Variants in GDPD1 observed in about 807,000 individuals in gnomAD.
GDPD1 encodes the protein lysophospholipase D GDPD1.
Under a neutral mutation model 45.1 loss-of-function variants are expected in GDPD1, and 28 were observed. The observed-to-expected ratio is 0.62, with a 90% CI of 0.46 to 0.85. The LOEUF is 0.85. Among genes scored for constraint, GDPD1 ranks in the 40% least tolerant of loss-of-function variants. GDPD1 has a pLI of 0.00. For missense variants in GDPD1, 256 were observed against 364.8 expected, an observed-to-expected ratio of 0.70 and a Z score of 2.43; for synonymous variants, 139 against 131.4, an observed-to-expected ratio of 1.06 and a Z score of -0.40.
At chr17:59,271,066 G>A in intron 8 of GDPD1, 71 bp downstream of exon 8, 1 of 910,072 alleles carries the variant, frequency 1.1e-6, no homozygotes, top group Non-Finnish European at 1.7e-6. Context: ...CCCTTAAAAT[G>A]TTGTGCAAGC....
chr17:59,245,356 G>C (rs982408251), intron 2 of GDPD1, 58 bp from the exon 3 acceptor site: 1 of 1,420,280 alleles, frequency 7.0e-7, no homozygotes. Flanking sequence ...TAGATCTCAT[G>C]CATGTAACCC....
At chr17:59,255,861 A>ACG (rs2047303867) in intron 4 of GDPD1, among the ~76,000 whole-genome samples, 2 of 88,280 alleles carry the variant, frequency 2.3e-5, no homozygotes, top group African/African-American at 1.5e-4. Flanking sequence ...ACACACGTAT[A>ACG]TATATATATA....
chr17:59,220,659 T>C lies in GDPD1; in HGVS notation c.50T>C (p.Leu17Ser), dbSNP rs145485370. ...FYLLSTLGGY[L>S]VTSFLLLKYP... ...CTTCTCTCTACGCTAGGAGGATACT[T>C]GGTGACCTCATTCTTGTTGCTTAAA... The change falls in exon 1 of 10, where the codon TTG (leucine) becomes TCG (serine). Residue 17 changes from leucine (L) to serine (S), a missense_variant. Leu to Ser is a moderately radical substitution (Grantham distance 145, BLOSUM62 -2). Coordinates refer to ENST00000284116, the MANE Select transcript of GDPD1 (RefSeq NM_182569.4). 1 of 1,614,106 alleles carries C rather than the reference T, an allele frequency of 6.2e-7. No individual in the cohort carries two copies. The highest frequency in any genetic ancestry group is 8.5e-7 in the Non-Finnish European group (1 of 1,179,972).
intron 2 of GDPD1, among the ~76,000 whole-genome samples, chr17:59,238,692 T>C (rs1403273225): frequency 1.3e-5 from 2 of 152,150 alleles, no homozygotes; most frequent in African/African-American, 2.4e-5. Context: ...GGATTACAGG[T>C]GTGAGCCACC....
intron 6 of GDPD1, among the ~76,000 whole-genome samples, chr17:59,262,158 G>A (rs1175601650): frequency 2.0e-5 from 3 of 151,572 alleles, no homozygotes; most frequent in East Asian, 1.9e-4. Context: ...CTGACCTCGT[G>A]ATCCGCCCGC....
At chr17:59,248,351 T>A (rs1261270526) in intron 3 of GDPD1, among the ~76,000 whole-genome samples, 2 of 150,140 alleles carry the variant, frequency 1.3e-5, no homozygotes, top group Non-Finnish European at 3.0e-5. Context: ...GTATTGAGCA[T>A]TATAATTATA....
chr17:59,246,204 CA>C (rs898742310), intron 3 of GDPD1, among the ~76,000 whole-genome samples: 20 of 151,822 alleles, frequency 1.3e-4, no homozygotes, highest in African/African-American at 4.6e-4. Context: ...ATGTTACTGC[CA>C]AAAAAACACT....
chr17:59,263,483 C>CTTCTTTTTT (rs2047374143), intron 6 of GDPD1, among the ~76,000 whole-genome samples: 1 of 120,320 alleles, frequency 8.3e-6, no homozygotes, highest in Non-Finnish European at 1.6e-5. Flanking sequence ...TTTTCCTTTC[C>CTTCTTTTTT]TTTTTTTTTT....
intron 2 of GDPD1, among the ~76,000 whole-genome samples, chr17:59,237,996 T>C (rs1195103097): frequency 7.5e-6 from 1 of 133,646 alleles, no homozygotes; most frequent in African/African-American, 2.9e-5. Context: ...AGGCCGGGCA[T>C]GGTGGCTCAT....
At chr17:59,239,429 G>A (rs913550345) in intron 2 of GDPD1, among the ~76,000 whole-genome samples, 4 of 151,828 alleles carry the variant, frequency 2.6e-5, no homozygotes, top group Non-Finnish European at 5.9e-5. Context: ...CAGCTTGTCA[G>A]AAATTCAGCT....
intron 7 of GDPD1, among the ~76,000 whole-genome samples, chr17:59,269,084 G>C (rs2047424083): frequency 6.6e-6 from 1 of 151,914 alleles, no homozygotes; most frequent in Non-Finnish European, 1.5e-5. Context: ...GGATCACAAA[G>C]TCAGGAGTTC....
Position 59,255,876 on chromosome 17 carries a change from C to CACACACGTATATATATATAT in GDPD1, c.368-1240_368-1239insGTATATATATATATACACAC, listed in dbSNP as rs1568347069. Among the ~76,000 whole-genome samples, 192 of 41,814 alleles carry CACACACGTATATATATATAT rather than the reference C, an allele frequency of 4.6e-3. 8 individuals carry two copies. The highest frequency in any genetic ancestry group is 0.039 in the African/African-American group (175 of 4,528). 27.4% of individuals were successfully genotyped at this position (41,814 alleles called of 152,430 possible). A position where few individuals can be genotyped will look rare whatever the true frequency, so the allele number is the denominator to read the frequency against. On this transcript the variant is annotated intron_variant, in intron 4 of 9. Transcript: ENST00000284116. The stretch of plus-strand genomic sequence containing the variant: ...ACACACGTATATATATATATATATA[C>CACACACGTATATATATATAT]ACACACACACACACACATATATATA...
chr17:59,238,024 T>C (rs565000651), intron 2 of GDPD1, among the ~76,000 whole-genome samples: 1 of 146,762 alleles, frequency 6.8e-6, no homozygotes, highest in African/African-American at 2.5e-5. Context: ...ATCCCAGCAC[T>C]TTGGGAGGCC....
At chr17:59,238,063 G>T (rs1378501848) in intron 2 of GDPD1, among the ~76,000 whole-genome samples, 2 of 151,190 alleles carry the variant, frequency 1.3e-5, no homozygotes, top group South Asian at 4.2e-4. Context: ...GAGGTCGGGA[G>T]TTTGAGACCA....
chr17:59,233,631 A>G (rs1304606339), intron 1 of GDPD1, among the ~76,000 whole-genome samples: 3 of 152,082 alleles, frequency 2.0e-5, no homozygotes, highest in Admixed American at 6.5e-5. Flanking sequence ...TGGTGATGCT[A>G]CTATGTTACT....
intron 1 of GDPD1, 80 bp from the exon 2 acceptor site, chr17:59,234,412 C>G: frequency 2.5e-6 from 2 of 789,000 alleles, no homozygotes; most frequent in Non-Finnish European, 4.2e-6. Flanking sequence ...GGTCAAGATT[C>G]ATTAGGTGTA....
intron 1 of GDPD1, among the ~76,000 whole-genome samples, chr17:59,223,941 C>T (rs779008817): frequency 1.1e-4 from 16 of 152,104 alleles, no homozygotes; most frequent in Non-Finnish European, 2.1e-4. Flanking sequence ...CACAGATGGA[C>T]AGATGGCTCT....
intron 6 of GDPD1, among the ~76,000 whole-genome samples, chr17:59,261,987 G>C (rs958101433): frequency 1.5e-5 from 2 of 135,082 alleles, no homozygotes; most frequent in African/African-American, 2.8e-5. Flanking sequence ...GCGGGATCTC[G>C]GCTCACTGCA....
chr17:59,243,242 A>T (rs2047187308), intron 2 of GDPD1, among the ~76,000 whole-genome samples: 1 of 151,894 alleles, frequency 6.6e-6, no homozygotes. Context: ...GCAGTGGCTC[A>T]CGCCTGTAAT....
Sources: gnomAD v4.1 joint callset for allele counts (sites outside exome capture counted in the v4.1 genomes callset) on GRCh38, gnomAD v4.1.1 for gene constraint, MANE v1.5 for transcripts, NCBI Gene and HGNC (gene_info 2026-07-23, HGNC 2026-07-21) for gene names.